MDH1: variants seen among roughly 807,000 people sequenced by gnomAD.
The protein encoded by MDH1 is malate dehydrogenase 1.
In MDH1, 15 loss-of-function variants were observed where a neutral mutation model predicts 38.7. The ratio of observed to expected loss-of-function variants is 0.39; its 90% confidence interval spans 0.26 to 0.60. The LOEUF is 0.60. MDH1 is among the 20% of genes least tolerant of loss of function. The pLI is 0.56. For synonymous variants in MDH1, 144 were observed against 143.6 expected (o/e 1.00, Z -0.02); for missense variants, 368 against 405.2 (o/e 0.91, Z 0.79).
In MDH1 at chr2:63,598,496, C is replaced by T. The variant is rs901257993; in HGVS notation, c.376-674C>T. Among the ~76,000 whole-genome samples the T allele has an allele frequency of 6.6e-5, 10 of 152,116 alleles. No homozygotes were observed. In the East Asian group the frequency reaches 7.7e-4, roughly 12 times the overall value. Reference sequence around the variant, plus strand: ...ATTGTCACCCAGCAAATAGGCTTGCCGGTTAAAGGTTTAACTGATTTCCAT... The same window carrying T: ...ATTGTCACCCAGCAAATAGGCTTGCTGGTTAAAGGTTTAACTGATTTCCAT... On this transcript the variant is annotated intron_variant, in intron 4 of 8. Coordinates refer to ENST00000233114, the MANE Select transcript of MDH1 (RefSeq NM_005917.4).
At position 63,606,889 on chromosome 2, in the gene MDH1, C is replaced by T; in HGVS notation, c.907C>T (p.Leu303Phe). The change falls in exon 9 of 9, where the codon CTC becomes TTC. Residue 303 changes from leucine (L) to phenylalanine (F), a missense_variant. Physicochemically the swap from Leu to Phe is conservative, Grantham distance 22. Coordinates refer to ENST00000233114, the MANE Select transcript of MDH1 (RefSeq NM_005917.4). The part of the protein sequence containing the change: ...KNKTWKFVEG[L>F]PINDFSREKM... ...TAAGACCTGGAAGTTTGTTGAAGGTCTCCCTATTAATGATTTCTCACGTGA... is the reference window on the plus strand; with the variant it reads ...TAAGACCTGGAAGTTTGTTGAAGGTTTCCCTATTAATGATTTCTCACGTGA... 1 of 1,611,020 alleles carries T rather than the reference C, an allele frequency of 6.2e-7. No homozygotes were observed.
At chr2:63,600,494 G>A (rs1709397903) in intron 5 of MDH1, among the ~76,000 whole-genome samples, 1 of 152,166 alleles carries the variant, frequency 6.6e-6, no homozygotes, top group African/African-American at 2.4e-5. Context: ...TTTTGAGAAA[G>A]TATATTCAAT....
intron 8 of MDH1, among the ~76,000 whole-genome samples, chr2:63,606,437 T>C (rs558772156): frequency 6.6e-6 from 1 of 152,304 alleles, no homozygotes; most frequent in South Asian, 2.1e-4. Flanking sequence ...AAAATAGACA[T>C]TTTTCTCAGC....
chr2:63,590,948 T>G (rs1355698496), intron 1 of MDH1: 1 of 152,208 alleles, frequency 6.6e-6, no homozygotes, highest in African/African-American at 2.4e-5. Context: ...CAAAATAAAC[T>G]GTATGAAGGA....
intron 2 of MDH1, chr2:63,595,018 C>T (rs1005150647): frequency 1.1e-5 from 3 of 276,086 alleles, no homozygotes; most frequent in African/African-American, 6.9e-5. Flanking sequence ...AAATCCTTTT[C>T]TAAGGTATTC....
rs1709514373 is a variant in MDH1 at position 63,605,697 on chromosome 2, C to T, written c.790-242C>T. 3 of 592,146 alleles carry T rather than the reference C, an allele frequency of 5.1e-6. No homozygotes were observed. The South Asian group carries it at 6.2e-5, about 12-fold the overall frequency. 36.7% of individuals were successfully genotyped at this position (592,146 alleles called of 1,614,324 possible). A position where few individuals can be genotyped will look rare whatever the true frequency, so the allele number is the denominator to read the frequency against. On this transcript the variant is annotated intron_variant, in intron 7 of 8. Transcript: ENST00000233114. ...ATTTTTTTCTTCTATGCCACAGCTT[C>T]CTCATCTGTAAAATGAGGATTAGGT...
At chr2:63,595,801 A>G (rs773782178) in intron 3 of MDH1, among the ~76,000 whole-genome samples, 5 of 152,168 alleles carry the variant, frequency 3.3e-5, no homozygotes, top group Non-Finnish European at 5.9e-5. Flanking sequence ...AGGGTTATAC[A>G]CCTGAAATTG....
intron 2 of MDH1, chr2:63,595,083 T>C (rs1435917308): frequency 5.7e-6 from 2 of 350,606 alleles, no homozygotes; most frequent in Non-Finnish European, 1.1e-5. Context: ...TGTCAGATAC[T>C]GTACTTAGCT....
chr2:63,603,185 C>T (rs1575725902), intron 5 of MDH1, among the ~76,000 whole-genome samples: 1 of 152,036 alleles, frequency 6.6e-6, no homozygotes, highest in South Asian at 2.1e-4. Context: ...GTCTCCATCT[C>T]GACCTCCTGA....
chr2:63,606,736 G>T, intron 8 of MDH1, 126 bp from the exon 9 acceptor site: 1 of 515,366 alleles, frequency 1.9e-6, no homozygotes, highest in Non-Finnish European at 3.0e-6. Context: ...TTAAAATCTG[G>T]ATTTTTATTT....
Position 63,606,992 on chromosome 2 carries a change from A to G in MDH1, c.*5A>G, listed in dbSNP as rs1709545750. The G allele has an allele frequency of 6.2e-7, 1 of 1,607,948 alleles. No homozygotes were observed. Among genetic ancestry groups the G allele is most frequent in the Admixed American group, 1.7e-5 (1 of 58,828 alleles). On this transcript the variant is annotated 3_prime_UTR_variant, in exon 9 of 9. Coordinates refer to ENST00000233114, the MANE Select transcript of MDH1 (RefSeq NM_005917.4). ...GAATTTCTTTCCTCTGCCTGACTAGACAATGATGTTACTAAATGCTTCAAA... is the reference window on the plus strand; with the variant it reads ...GAATTTCTTTCCTCTGCCTGACTAGGCAATGATGTTACTAAATGCTTCAAA...
chr2:63,602,278 G>A (rs556024189), intron 5 of MDH1, among the ~76,000 whole-genome samples: 5 of 151,086 alleles, frequency 3.3e-5, no homozygotes, highest in Admixed American at 6.6e-5. Flanking sequence ...AAGACCAGTC[G>A]AGTCATTGCA....
At chr2:63,604,309 G>C (rs1201404126) in intron 5 of MDH1, among the ~76,000 whole-genome samples, 1 of 152,174 alleles carries the variant, frequency 6.6e-6, no homozygotes, top group Non-Finnish European at 1.5e-5. Context: ...GCACTGAGAA[G>C]ACATCTCCAA....
intron 4 of MDH1, 40 bp downstream of exon 4, chr2:63,597,614 C>T (rs761461902): frequency 7.5e-6 from 10 of 1,332,198 alleles, no homozygotes; most frequent in Non-Finnish European, 9.7e-6. Context: ...TCATTATTAG[C>T]ATTTGAAACT....
At chr2:63,603,655 C>CTTTT (rs11297982) in intron 5 of MDH1, among the ~76,000 whole-genome samples, 91 of 99,060 alleles carry the variant, frequency 9.2e-4, no homozygotes, top group Middle Eastern at 6.8e-3. Flanking sequence ...CAAGACATTT[C>CTTTT]TTTTTTTTTT....
chr2:63,606,028 G>T lies in MDH1; in HGVS notation c.879G>T (p.Lys293Asn). 6.2e-7 allele frequency: 1 copy of T among 1,613,024 alleles called. No individual in the cohort carries two copies. The highest frequency in any genetic ancestry group is 8.5e-7 in the Non-Finnish European group (1 of 1,179,032). The change falls in exon 8 of 9, where the codon AAG becomes AAT. Residue 293 changes from lysine (K) to asparagine (N), a missense_variant and splice_region_variant. By Grantham distance (94) the Lys-to-Asn change is moderately conservative. Coordinates refer to ENST00000233114, the MANE Select transcript of MDH1 (RefSeq NM_005917.4). ...DLLYSFPVVI[K>N]NKTWKFVEGL... The stretch of plus-strand genomic sequence containing the variant: ...TCTACTCATTCCCTGTTGTAATCAA[G>T]GTAAGGTATTTTGGAGCTATTTCCC...
intron 5 of MDH1, among the ~76,000 whole-genome samples, chr2:63,600,393 G>A (rs533469976): frequency 2.7e-4 from 41 of 152,084 alleles, no homozygotes; most frequent in Non-Finnish European, 4.9e-4. Flanking sequence ...CATAAATTAC[G>A]GAGCCACCTT....
chr2:63,598,896 C>CAAAAAAAAAAAAAAAAA (rs1333463606), intron 4 of MDH1, among the ~76,000 whole-genome samples: 1 of 72,230 alleles, frequency 1.4e-5, no homozygotes. Flanking sequence ...AAAGAGGTAC[C>CAAAAAAAAAAAAAAAAA]AAAAAAAAAA....
At chr2:63,601,616 C>G (rs1348611414) in intron 5 of MDH1, among the ~76,000 whole-genome samples, 1 of 152,156 alleles carries the variant, frequency 6.6e-6, no homozygotes, top group East Asian at 1.9e-4. Flanking sequence ...ACTATATCTG[C>G]TGGATGCAAA....
Sources: gnomAD v4.1 joint callset for allele counts (sites outside exome capture counted in the v4.1 genomes callset) on GRCh38, gnomAD v4.1.1 for gene constraint, MANE v1.5 for transcripts, NCBI Gene and HGNC (gene_info 2026-07-23, HGNC 2026-07-21) for gene names.